TEAD4: variants seen among roughly 807,000 people sequenced by gnomAD.
TEAD4 encodes TEA domain transcription factor 4, also known as transcriptional enhancer factor TEF-3.
A neutral mutation model predicts 52.4 loss-of-function variants in TEAD4; 36 were observed. The observed-to-expected ratio is 0.69, with a 90% CI of 0.53 to 0.91. The LOEUF is 0.91. Ranked by LOEUF, TEAD4 falls within the 40% of genes least tolerant of loss-of-function variation. The probability of loss-of-function intolerance (pLI) is 0.00; values close to 1 mark genes in which losing one functional copy is unlikely to be tolerated. For missense variants in TEAD4, 508 were observed against 583.9 expected (o/e 0.87, Z 1.34); for synonymous variants, 220 against 231.0 (o/e 0.95, Z 0.43).
rs537675807 is a variant in TEAD4, at chr12:3,033,976, G to A, written c.898-3992G>A. Among the ~76,000 whole-genome samples, 10 of 151,492 alleles carry A rather than the reference G, an allele frequency of 6.6e-5. No homozygotes were observed. In the East Asian group the frequency reaches 1.7e-3, roughly 26 times the overall value. ...TCTGGGGCGGTTCGTCCGTGTCGCCGGCTGGTGTGTTCCGGGTTTATGCAG... is the reference window on the plus strand; with the variant it reads ...TCTGGGGCGGTTCGTCCGTGTCGCCAGCTGGTGTGTTCCGGGTTTATGCAG... On this transcript the variant is annotated intron_variant, in intron 10 of 12. Coordinates refer to ENST00000359864, the MANE Select transcript of TEAD4 (RefSeq NM_003213.4).
chr12:2,982,995 T>C (rs945934311), intron 2 of TEAD4, among the ~76,000 whole-genome samples: 1 of 152,036 alleles, frequency 6.6e-6, no homozygotes, highest in Non-Finnish European at 1.5e-5. Context: ...CCAGAGACCA[T>C]AGAAGGGGTC....
At chr12:3,005,734 C>G (rs747153032) in intron 3 of TEAD4, among the ~76,000 whole-genome samples, 12 of 152,166 alleles carry the variant, frequency 7.9e-5, no homozygotes, top group Non-Finnish European at 1.5e-4. Flanking sequence ...CTCCTGACCT[C>G]GTGATCCGCC....
At chr12:3,006,550 G>A (rs185889335) in intron 3 of TEAD4, among the ~76,000 whole-genome samples, 57 of 152,008 alleles carry the variant, frequency 3.7e-4, no homozygotes, top group Middle Eastern at 3.4e-3. Flanking sequence ...AAAATTAGCT[G>A]GGCGTTGCCT....
At chr12:2,973,895 G>A (rs1378096437) in intron 2 of TEAD4, among the ~76,000 whole-genome samples, 1 of 152,234 alleles carries the variant, frequency 6.6e-6, no homozygotes, top group African/African-American at 2.4e-5. Flanking sequence ...GGTGCTGGGT[G>A]TGTGGCTGGT....
intron 10 of TEAD4, among the ~76,000 whole-genome samples, chr12:3,026,454 C>G (rs757083329): frequency 1.3e-5 from 2 of 152,222 alleles, no homozygotes; most frequent in African/African-American, 2.4e-5. Context: ...CCTGGCTTCT[C>G]TCTATCTGCT....
intron 2 of TEAD4, among the ~76,000 whole-genome samples, chr12:2,971,620 C>T (rs2098225110): frequency 1.3e-5 from 2 of 150,394 alleles, no homozygotes; most frequent in Non-Finnish European, 1.5e-5. Context: ...GGACTACAGG[C>T]ACCCCCCACC....
At chr12:3,024,762 C>A (rs1565549019) in intron 10 of TEAD4, among the ~76,000 whole-genome samples, 1 of 152,222 alleles carries the variant, frequency 6.6e-6, no homozygotes, top group East Asian at 1.9e-4. Flanking sequence ...ATAAATGGCT[C>A]TTGCATATTT....
At chr12:2,964,845 C>T (rs2098218968) in intron 2 of TEAD4, among the ~76,000 whole-genome samples, 1 of 152,066 alleles carries the variant, frequency 6.6e-6, no homozygotes. Context: ...GGACTCTTGT[C>T]TTGCCTCCAT....
chr12:2,993,734 T>A (rs561122812), intron 2 of TEAD4, among the ~76,000 whole-genome samples: 2 of 152,272 alleles, frequency 1.3e-5, no homozygotes, highest in African/African-American at 4.8e-5. Flanking sequence ...TGCCTCAGCC[T>A]CCCAAAGTGC....
rs56399526 is a variant in TEAD4 at position 3,018,095 on chromosome 12, C to T, written c.484-450C>T. On this transcript the variant is annotated intron_variant, in intron 6 of 12. Transcript: ENST00000359864. ...TGAGTCTTCAAGGCACCTGCAGCAC[C>T]GCCCTAGGCACGTGGGGAAGGGGCA... Among the ~76,000 whole-genome samples, 262 of 152,316 alleles carry T rather than the reference C, an allele frequency of 1.7e-3. 1 individual carries two copies. The highest frequency in any genetic ancestry group is 2.2e-3 in the Non-Finnish European group (153 of 68,024).
intron 9 of TEAD4, among the ~76,000 whole-genome samples, chr12:3,021,587 C>T (rs187776242): frequency 3.3e-5 from 5 of 152,106 alleles, no homozygotes; most frequent in South Asian, 2.1e-4. Flanking sequence ...CTGGGATTAC[C>T]GGTGTGAGCC....
intron 3 of TEAD4, among the ~76,000 whole-genome samples, chr12:3,005,380 A>G (rs1428897355): frequency 6.6e-6 from 1 of 152,146 alleles, no homozygotes; most frequent in African/African-American, 2.4e-5. Context: ...TGCAGCCTCA[A>G]TCTCCTGGAC....
intron 2 of TEAD4, among the ~76,000 whole-genome samples, chr12:2,961,629 C>T (rs970041704): frequency 3.3e-5 from 5 of 152,008 alleles, no homozygotes; most frequent in African/African-American, 1.2e-4. Flanking sequence ...GTGGGTAATA[C>T]GAGCGGAGCT....
Position 3,040,045 on chromosome 12 carries a change from G to A in TEAD4, c.1039-62G>A, listed in dbSNP as rs1002285281. 7 of 1,591,798 alleles carry A rather than the reference G, an allele frequency of 4.4e-6. No homozygotes were observed. The East Asian group carries it at 1.3e-4, about 31-fold the overall frequency. On this transcript the variant is annotated intron_variant, in intron 11 of 12. Transcript: ENST00000359864. ...TTCTGCCTTTCCTTCCCGTGGAGTT[G>A]GGTCTGGGCTGGAGGTGGTCAGAAT...
intron 2 of TEAD4, among the ~76,000 whole-genome samples, chr12:2,967,240 A>G (rs1161937069): frequency 6.6e-6 from 1 of 152,192 alleles, no homozygotes; most frequent in Non-Finnish European, 1.5e-5. Flanking sequence ...TATTTCGGTG[A>G]ATGTCCTTCC....
chr12:3,021,392 C>G (rs904828826), intron 9 of TEAD4, among the ~76,000 whole-genome samples: 1 of 149,224 alleles, frequency 6.7e-6, no homozygotes, highest in African/African-American at 2.5e-5. Context: ...CTTACTGCAA[C>G]TTCCACTTCC....
intron 3 of TEAD4, among the ~76,000 whole-genome samples, chr12:3,007,011 C>G (rs988463638): frequency 6.6e-6 from 1 of 152,142 alleles, no homozygotes; most frequent in Non-Finnish European, 1.5e-5. Flanking sequence ...TGGGCGACAG[C>G]GAGACTCCCT....
chr12:2,972,707 G>T (rs941656841), intron 2 of TEAD4, among the ~76,000 whole-genome samples: 6 of 151,730 alleles, frequency 4.0e-5, no homozygotes, highest in Non-Finnish European at 8.8e-5. Flanking sequence ...CTCCATGTTG[G>T]TCAGGTTGGT....
Position 3,021,969 on chromosome 12 carries a change from T to A in TEAD4, c.849T>A (p.Asp283Glu). 6.2e-7 allele frequency: 1 copy of A among 1,614,224 alleles called. No homozygotes were observed. The highest frequency in any genetic ancestry group is 8.5e-7 in the Non-Finnish European group (1 of 1,180,034). The change falls in exon 10 of 13, where the codon GAT (aspartate) becomes GAA (glutamate). Residue 283 changes from aspartate to glutamate, a missense_variant. Physicochemically the swap from Asp to Glu is conservative, Grantham distance 45. Coordinates refer to ENST00000359864, the MANE Select transcript of TEAD4 (RefSeq NM_003213.4). ...CGGAGAAAAAGGGTGGACTCAAGGA[T>A]CTCTTCGAACGGGGACCCTCCAATG...
Sources: allele counts gnomAD v4.1 joint callset (sites outside exome capture counted in the v4.1 genomes callset), GRCh38; gene constraint gnomAD v4.1.1; transcripts MANE v1.5; gene names NCBI Gene and HGNC (gene_info 2026-07-23, HGNC 2026-07-21).